OSBPL10: variants seen among roughly 807,000 people sequenced by gnomAD.
OSBPL10 encodes oxysterol-binding protein-related protein 10.
In OSBPL10, 49 loss-of-function variants were observed where a neutral mutation model predicts 81.7. That is an observed-to-expected ratio of 0.60 (90% CI 0.48 to 0.76). OSBPL10 has a LOEUF of 0.76. Among genes scored for constraint, OSBPL10 ranks in the 30% least tolerant of loss-of-function variants. The pLI is 0.00. For synonymous variants in OSBPL10, 419 were observed against 383.6 expected (o/e 1.09, Z -1.08); for missense variants, 923 against 987.8 (o/e 0.93, Z 0.88).
intron 2 of OSBPL10, among the ~76,000 whole-genome samples, chr3:31,999,622 A>C (rs1699125846): frequency 6.6e-6 from 1 of 152,004 alleles, no homozygotes. Context: ...TGGCCTCCCA[A>C]AGTGCTGGGA....
chr3:31,975,162 T>TA (rs1698658924), intron 1 of OSBPL10, among the ~76,000 whole-genome samples: 1 of 152,148 alleles, frequency 6.6e-6, no homozygotes, highest in Admixed American at 6.5e-5. Flanking sequence ...GAATAAACAA[T>TA]ATTATACAGT....
chr3:31,742,514 G>C (rs1279556113), intron 5 of OSBPL10, among the ~76,000 whole-genome samples: 1 of 152,192 alleles, frequency 6.6e-6, no homozygotes, highest in Non-Finnish European at 1.5e-5. Context: ...ACGGGTACCT[G>C]TGTCATCTAC....
At chr3:31,681,296 C>T (rs916326371) in intron 8 of OSBPL10, among the ~76,000 whole-genome samples, 12 of 152,206 alleles carry the variant, frequency 7.9e-5, no homozygotes, top group African/African-American at 2.4e-4. Flanking sequence ...CCTGTGGGCA[C>T]TCTGGAGTTG....
intron 4 of OSBPL10, among the ~76,000 whole-genome samples, chr3:31,807,102 A>G (rs906520221): frequency 1.3e-5 from 2 of 152,216 alleles, no homozygotes; most frequent in African/African-American, 4.8e-5. Context: ...ACTCCTGGCC[A>G]GCCACGGTGG....
At chr3:31,662,753 G>T in intron 11 of OSBPL10, 1 of 985,404 alleles carries the variant, frequency 1.0e-6, no homozygotes, top group Non-Finnish European at 1.2e-6. Context: ...AGGAAGAACT[G>T]TAAATGTTTT....
intron 4 of OSBPL10, among the ~76,000 whole-genome samples, chr3:31,805,321 A>T (rs995079059): frequency 6.6e-6 from 1 of 152,010 alleles, no homozygotes; most frequent in Non-Finnish European, 1.5e-5. Context: ...TGCTGGTCTC[A>T]AAGAATGACT....
intron 2 of OSBPL10, among the ~76,000 whole-genome samples, chr3:31,993,273 G>C (rs910823179): frequency 1.3e-5 from 2 of 151,412 alleles, no homozygotes; most frequent in Admixed American, 1.3e-4. Context: ...GCAATGGCAC[G>C]ATCTCAGCTC....
At chr3:32,027,335 G>A (rs1171777466) in intron 2 of OSBPL10, among the ~76,000 whole-genome samples, 8 of 152,126 alleles carry the variant, frequency 5.3e-5, no homozygotes, top group Non-Finnish European at 1.2e-4. Context: ...AATTATGTAG[G>A]AAAACAATGA....
intron 3 of OSBPL10, among the ~76,000 whole-genome samples, chr3:31,840,656 A>G (rs186432256): frequency 3.9e-4 from 60 of 152,356 alleles, no homozygotes; most frequent in African/African-American, 1.1e-3. Context: ...CAGAAACCTT[A>G]TAAGTCGTGC....
At chr3:32,017,761 T>G (rs1288001203) in intron 2 of OSBPL10, among the ~76,000 whole-genome samples, 2 of 152,250 alleles carry the variant, frequency 1.3e-5, no homozygotes, top group East Asian at 1.9e-4. Flanking sequence ...TGAAATAATT[T>G]GAATTAGGTC....
intron 4 of OSBPL10, among the ~76,000 whole-genome samples, chr3:31,758,581 C>T (rs1379878326): frequency 6.6e-6 from 1 of 152,202 alleles, no homozygotes; most frequent in Non-Finnish European, 1.5e-5. Context: ...GACAGGTATT[C>T]CTGATAAGAG....
intron 3 of OSBPL10, among the ~76,000 whole-genome samples, chr3:31,837,753 T>C (rs1187056517): frequency 1.4e-5 from 2 of 145,572 alleles, no homozygotes; most frequent in African/African-American, 2.5e-5. Context: ...AATCAGAAAA[T>C]AGAAAATAAG....
chr3:31,980,898 C>A lies in OSBPL10; in HGVS notation c.281+1G>T. 6.4e-7 allele frequency: 1 copy of A among 1,567,856 alleles called. No individual in the cohort carries two copies. Among genetic ancestry groups the A allele is most frequent in the Non-Finnish European group, 8.6e-7 (1 of 1,160,774 alleles). ...GGTGGCGCGGGCGGCTGGCGCGTTA[C>A]CTGTTCTGCCAGCCCTGGAGGAGGT... On this transcript the variant is annotated splice_donor_variant, in intron 1 of 11. Coordinates refer to ENST00000396556, the MANE Select transcript of OSBPL10 (RefSeq NM_017784.5). LOFTEE classifies it high-confidence loss of function.
At chr3:31,745,071 A>G (rs950066372) in intron 5 of OSBPL10, among the ~76,000 whole-genome samples, 1 of 152,230 alleles carries the variant, frequency 6.6e-6, no homozygotes, top group African/African-American at 2.4e-5. Flanking sequence ...GAGCTTCCGC[A>G]TTTGAGATTC....
chr3:31,903,399 G>T (rs1696312076), intron 1 of OSBPL10, among the ~76,000 whole-genome samples: 1 of 147,662 alleles, frequency 6.8e-6, no homozygotes, highest in South Asian at 2.1e-4. Context: ...ACAACACCAA[G>T]GCTTGTGCAG....
chr3:31,966,439 G>T (rs1452317041), intron 1 of OSBPL10, among the ~76,000 whole-genome samples: 2 of 151,254 alleles, frequency 1.3e-5, no homozygotes, highest in African/African-American at 4.9e-5. Context: ...AAAAATATTA[G>T]AATAGAAATC....
At chr3:31,848,868 C>T (rs1700696855) in intron 3 of OSBPL10, among the ~76,000 whole-genome samples, 2 of 152,156 alleles carry the variant, frequency 1.3e-5, no homozygotes, top group Admixed American at 6.5e-5. Flanking sequence ...GTTAGGAACC[C>T]GCTCTGTTGC....
At chr3:32,034,272 C>T (rs1392668732) in intron 2 of OSBPL10, among the ~76,000 whole-genome samples, 1 of 151,836 alleles carries the variant, frequency 6.6e-6, no homozygotes, top group East Asian at 1.9e-4. Flanking sequence ...AAGACTCCAT[C>T]TCTACAAAAA....
chr3:31,858,630 A>G (rs1700985434), intron 3 of OSBPL10, among the ~76,000 whole-genome samples: 1 of 152,226 alleles, frequency 6.6e-6, no homozygotes, highest in African/African-American at 2.4e-5. Context: ...AGGTGGCACT[A>G]TAGGGCTAGT....
Sources: gnomAD v4.1 joint callset for allele counts (sites outside exome capture counted in the v4.1 genomes callset) on GRCh38, gnomAD v4.1.1 for gene constraint, MANE v1.5 for transcripts, NCBI Gene and HGNC (gene_info 2026-07-23, HGNC 2026-07-21) for gene names.